ADCY7: variants seen among roughly 807,000 people sequenced by gnomAD.
ADCY7 encodes adenylate cyclase 7, also known as adenylate cyclase type 7.
Under a neutral mutation model 120.6 loss-of-function variants are expected in ADCY7, and 72 were observed. The observed-to-expected ratio is 0.60, with a 90% confidence interval of 0.49 to 0.73. The LOEUF (loss-of-function observed/expected upper bound fraction) is 0.73. Ranked by LOEUF, ADCY7 falls within the 30% of genes least tolerant of loss-of-function variation. The probability of loss-of-function intolerance (pLI) is 0.00; values close to 1 mark genes in which losing one functional copy is unlikely to be tolerated. For missense variants in ADCY7, 1,227 were observed against 1,486.0 expected (o/e 0.83, Z 2.87); for synonymous variants, 661 against 628.0 (o/e 1.05, Z -0.78).
intron 1 of ADCY7, among the ~76,000 whole-genome samples, chr16:50,286,374 G>A (rs781128376): frequency 4.0e-5 from 6 of 148,268 alleles, no homozygotes; most frequent in Non-Finnish European, 9.0e-5. Flanking sequence ...AGGCTGCAGC[G>A]GGCTATGATC....
rs547383256 is a variant in ADCY7, at chr16:50,314,423, G to A, written c.2971+17G>A. The A allele has an allele frequency of 7.5e-6, 12 of 1,605,240 alleles. No individual in the cohort carries two copies. The highest frequency in any genetic ancestry group is 1.1e-5 in the South Asian group (1 of 90,842). On this transcript the variant is annotated intron_variant, in intron 24 of 25. Coordinates refer to ENST00000673801, the MANE Select transcript of ADCY7 (RefSeq NM_001114.5). ...TCCGCGTCGGTGAGCCCGGGTGATGGAGCGGGGTGGGGAGCCCCTGCCTCT... is the reference window on the plus strand; with the variant it reads ...TCCGCGTCGGTGAGCCCGGGTGATGAAGCGGGGTGGGGAGCCCCTGCCTCT...
rs986855930 is a variant in ADCY7 at position 50,317,014 on chromosome 16, G to C, written c.*1509G>C. The C allele has an allele frequency of 3.9e-5, 6 of 152,674 alleles. No homozygotes were observed. The highest frequency in any genetic ancestry group is 1.2e-4 in the African/African-American group (5 of 41,288). 9.5% of individuals were successfully genotyped at this position (152,674 alleles called of 1,614,324 possible). A position where few individuals can be genotyped will look rare whatever the true frequency, so the allele number is the denominator to read the frequency against. On this transcript the variant is annotated 3_prime_UTR_variant, in exon 26 of 26. Transcript: ENST00000673801. The stretch of plus-strand genomic sequence containing the variant: ...ACCAGACTTGTTGGGGTCCTGGGAT[G>C]AGTTGCCCCGGGCTGCAAATTAAGA...
intron 1 of ADCY7, among the ~76,000 whole-genome samples, chr16:50,252,569 G>C (rs72782107): frequency 0.013 from 1,970 of 152,320 alleles, 25 homozygotes; most frequent in Non-Finnish European, 0.02. Context: ...CAGAGGAGGG[G>C]ACAGGCTCAG....
intron 1 of ADCY7, among the ~76,000 whole-genome samples, chr16:50,256,534 C>G (rs934801235): frequency 6.6e-6 from 1 of 152,110 alleles, no homozygotes; most frequent in Admixed American, 6.5e-5. Flanking sequence ...GAGAACCCAT[C>G]TCTACAAAAA....
chr16:50,270,696 C>G (rs2033511261), intron 1 of ADCY7, among the ~76,000 whole-genome samples: 1 of 152,184 alleles, frequency 6.6e-6, no homozygotes, highest in Non-Finnish European at 1.5e-5. Flanking sequence ...AGCAGCCTCC[C>G]TGTCACCTAC....
chr16:50,263,494 G>A (rs984848308), upstream of ADCY7, among the ~76,000 whole-genome samples: 1 of 152,138 alleles, frequency 6.6e-6, no homozygotes, highest in African/African-American at 2.4e-5. Flanking sequence ...AAACGGCAGG[G>A]TTTACTGTGC....
At chr16:50,314,190 G>A (rs1301274439) in intron 23 of ADCY7, 102 bp from the exon 24 acceptor site, 19 of 1,418,086 alleles carry the variant, frequency 1.3e-5, no homozygotes, top group Non-Finnish European at 1.8e-5. Flanking sequence ...GGCTCAGCCA[G>A]GATTTTAGTG....
Position 50,298,934 on chromosome 16 carries a change from G to A in ADCY7, c.979G>A (p.Gly327Ser), listed in dbSNP as rs1490845044. The change falls in exon 8 of 26, where the codon GGC (glycine) becomes AGC (serine). Residue 327 changes from glycine (G) to serine (S), a missense_variant. Gly to Ser is a moderately conservative substitution (Grantham distance 56). Transcript: ENST00000673801. ...ANECMRIKIL[G>S]DCYYCVSGLP... ...CGAGTGCATGCGAATCAAGATCCTC[G>A]GCGACTGCTACTACTGTGTATCGGG... is the stretch of plus-strand genomic sequence containing the variant. The A allele has an allele frequency of 5.0e-6, 8 of 1,613,934 alleles. No homozygotes were observed. The highest frequency in any genetic ancestry group is 3.3e-5 in the Admixed American group (2 of 60,006).
intron 7 of ADCY7, among the ~76,000 whole-genome samples, chr16:50,296,367 T>C (rs1355981940): frequency 6.6e-6 from 1 of 150,694 alleles, no homozygotes; most frequent in Non-Finnish European, 1.5e-5. Context: ...CAGAATTTTT[T>C]TTTTTTTTTT....
chr16:50,247,381 A>T (rs1649017161), intron 1 of ADCY7, among the ~76,000 whole-genome samples: 1 of 151,708 alleles, frequency 6.6e-6, no homozygotes, highest in African/African-American at 2.4e-5. Flanking sequence ...TTTTTTCTTG[A>T]AACAGGGCCT....
At chr16:50,296,424 A>T (rs2035356604) in intron 7 of ADCY7, among the ~76,000 whole-genome samples, 1 of 143,744 alleles carries the variant, frequency 7.0e-6, no homozygotes, top group Non-Finnish European at 1.5e-5. Context: ...CAGTGGTGTG[A>T]TCTCTGCTCA....
intron 10 of ADCY7, among the ~76,000 whole-genome samples, chr16:50,303,880 G>A (rs991189406): frequency 2.0e-5 from 3 of 152,130 alleles, no homozygotes; most frequent in South Asian, 2.1e-4. Context: ...GAGCGAATGC[G>A]TGCCGGCCAC....
intron 14 of ADCY7, 142 bp downstream of exon 14, chr16:50,305,991 C>T (rs558369222): frequency 3.8e-5 from 27 of 716,182 alleles, no homozygotes; most frequent in African/African-American, 5.2e-5. Context: ...TGCTCCTGGG[C>T]GGGGGGCAGG....
At chr16:50,312,758 GC>G in intron 21 of ADCY7, 131 bp from the exon 22 acceptor site, 1 of 791,774 alleles carries the variant, frequency 1.3e-6, no homozygotes, top group East Asian at 3.2e-5. Flanking sequence ...AACTCATGCA[GC>G]CCGCCCCCCT....
chr16:50,308,205 T>C, intron 15 of ADCY7, 122 bp from the exon 16 acceptor site: 2 of 1,565,956 alleles, frequency 1.3e-6, no homozygotes, highest in Non-Finnish European at 1.7e-6. Flanking sequence ...ACAGGTCCCC[T>C]TTGCTGTGGG....
intron 1 of ADCY7, among the ~76,000 whole-genome samples, chr16:50,272,610 T>C (rs1028938986): frequency 2.0e-5 from 3 of 152,062 alleles, no homozygotes; most frequent in Non-Finnish European, 4.4e-5. Flanking sequence ...CACAAGCACA[T>C]CCCTTGGCCT....
intron 12 of ADCY7, 136 bp from the exon 13 acceptor site, chr16:50,305,367 C>A (rs1054330460): frequency 2.5e-6 from 2 of 797,280 alleles, no homozygotes; most frequent in Non-Finnish European, 4.2e-6. Flanking sequence ...CCTCTCTGGG[C>A]CTCAGTGGGA....
intron 19 of ADCY7, 152 bp from the exon 20 acceptor site, chr16:50,311,541 T>G (rs1204792823): frequency 4.2e-4 from 144 of 346,418 alleles, no homozygotes; most frequent in East Asian, 1.1e-3. Flanking sequence ...CCCTCCCCCC[T>G]TTATAATACC....
Position 50,288,161 on chromosome 16 carries a change from C to A in ADCY7, c.-19C>A, listed in dbSNP as rs537134395. 2 of 1,536,074 alleles carry A rather than the reference C, an allele frequency of 1.3e-6. No homozygotes were observed. Among genetic ancestry groups the A allele is most frequent in the Non-Finnish European group, 8.8e-7 (1 of 1,138,332 alleles). On this transcript the variant is annotated 5_prime_UTR_variant, in exon 2 of 26. Coordinates refer to ENST00000673801, the MANE Select transcript of ADCY7 (RefSeq NM_001114.5). ...CCTCCTTAACGGCCCCTTAACGACA[C>A]GCGTGCCAAGGGTGGAGGATGCCAG...
Sources: allele counts gnomAD v4.1 joint callset (sites outside exome capture counted in the v4.1 genomes callset), GRCh38; gene constraint gnomAD v4.1.1; transcripts MANE v1.5; gene names NCBI Gene and HGNC (gene_info 2026-07-23, HGNC 2026-07-21).